THRB: variants seen among roughly 807,000 people sequenced by gnomAD.
THRB encodes the protein thyroid hormone receptor beta.
THRB carries 12 observed loss-of-function variants against 47.8 expected under a neutral mutation model. The ratio of observed to expected loss-of-function variants is 0.25; its 90% CI spans 0.16 to 0.41. The LOEUF is 0.41. Among genes scored for constraint, THRB ranks in the 10% least tolerant of loss-of-function variants. THRB has a pLI of 1.00. For synonymous variants in THRB, 218 were observed against 212.2 expected, an observed-to-expected ratio of 1.03 and a Z score of -0.24; for missense variants, 348 against 589.2, an observed-to-expected ratio of 0.59 and a Z score of 4.24.
intron 1 of THRB, among the ~76,000 whole-genome samples, chr3:24,347,643 T>C (rs1048231729): frequency 1.3e-5 from 2 of 150,106 alleles, no homozygotes; most frequent in Non-Finnish European, 1.5e-5. Flanking sequence ...TTTTAAAGAA[T>C]AAAAAAAAGA....
intron 2 of THRB, among the ~76,000 whole-genome samples, chr3:24,324,274 G>T (rs1240252324): frequency 6.8e-6 from 1 of 146,132 alleles, no homozygotes; most frequent in African/African-American, 2.6e-5. Context: ...TGTCCAGTTT[G>T]CTCATTCATT....
Position 24,127,736 on chromosome 3 carries a change from T to A in THRB, c.907A>T (p.Ile303Phe). 1 of 1,614,230 alleles carries A rather than the reference T, an allele frequency of 6.2e-7. No individual in the cohort carries two copies. Among genetic ancestry groups the A allele is most frequent in the East Asian group, 2.2e-5 (1 of 44,882 alleles). Residue 303 changes from isoleucine to phenylalanine, a missense_variant, in exon 10 of 11, where the codon ATC (isoleucine) becomes TTC (phenylalanine). By Grantham distance (21) the Ile-to-Phe change is conservative. Coordinates refer to ENST00000646209, the MANE Select transcript of THRB (RefSeq NM_001354712.2). ...TCCATGCAGCAGCCTTTGAGGAGGATGATCTGGTCTTCACATGGCAGCTGA... is the reference window on the plus strand; with the variant it reads ...TCCATGCAGCAGCCTTTGAGGAGGAAGATCTGGTCTTCACATGGCAGCTGA... ...FCELPCEDQI[I>F]LLKGCCMEIM...
chr3:24,347,433 A>G (rs886540753), intron 1 of THRB, among the ~76,000 whole-genome samples: 2 of 149,556 alleles, frequency 1.3e-5, no homozygotes, highest in African/African-American at 5.1e-5. Flanking sequence ...GAACAGAGTT[A>G]CTGTAACAGA....
chr3:24,401,536 C>T (rs1353123574), intron 1 of THRB, among the ~76,000 whole-genome samples: 2 of 151,890 alleles, frequency 1.3e-5, no homozygotes, highest in Non-Finnish European at 2.9e-5. Flanking sequence ...TAAGGATTAC[C>T]ACTACTACTA....
chr3:24,173,942 T>A (rs779435961), intron 5 of THRB, among the ~76,000 whole-genome samples: 1 of 152,196 alleles, frequency 6.6e-6, no homozygotes, highest in Admixed American at 6.5e-5. Flanking sequence ...GTGTGTCAGA[T>A]TCTGTGTTGG....
Position 24,266,667 on chromosome 3 carries a change from C to T in THRB, c.-43+30559G>A, listed in dbSNP as rs562997182. 3.9e-5 allele frequency among the ~76,000 whole-genome samples: 6 copies of T among 152,160 alleles called. No individual in the cohort carries two copies. The South Asian group carries it at 8.3e-4, about 21-fold the overall frequency. The stretch of plus-strand genomic sequence containing the variant: ...AAGAGGGAGCCAGCCAAGCCCAGGT[C>T]CCCAGCAAAGGCAACACACTGATGT... On this transcript the variant is annotated intron_variant, in intron 3 of 10. Coordinates refer to ENST00000646209, the MANE Select transcript of THRB (RefSeq NM_001354712.2).
At chr3:24,240,160 C>A (rs1333078598) in intron 3 of THRB, among the ~76,000 whole-genome samples, 4 of 152,142 alleles carry the variant, frequency 2.6e-5, no homozygotes, top group Non-Finnish European at 5.9e-5. Flanking sequence ...ACCCCTCACT[C>A]TTTGTGAGAC....
intron 5 of THRB, among the ~76,000 whole-genome samples, chr3:24,159,236 T>A (rs192115654): frequency 6.6e-6 from 1 of 152,332 alleles, no homozygotes; most frequent in Admixed American, 6.5e-5. Context: ...GGGAAGGAGC[T>A]GTTGCATTTG....
chr3:24,213,962 A>C (rs1345734587), intron 4 of THRB, among the ~76,000 whole-genome samples: 1 of 152,198 alleles, frequency 6.6e-6, no homozygotes, highest in Non-Finnish European at 1.5e-5. Flanking sequence ...TGATGATGGC[A>C]CCTGTCATTT....
chr3:24,448,550 C>T (rs982817557), intron 1 of THRB, among the ~76,000 whole-genome samples: 4 of 152,152 alleles, frequency 2.6e-5, no homozygotes, highest in African/African-American at 9.7e-5. Context: ...AGAGAAGCAG[C>T]CTTTAGCTAG....
intron 3 of THRB, among the ~76,000 whole-genome samples, chr3:24,253,138 T>C (rs914032673): frequency 6.6e-6 from 1 of 152,134 alleles, no homozygotes; most frequent in Admixed American, 6.6e-5. Flanking sequence ...TTTTACAAAA[T>C]TGCTGTGGAG....
At chr3:24,160,638 G>A (rs1362593469) in intron 5 of THRB, among the ~76,000 whole-genome samples, 1 of 152,152 alleles carries the variant, frequency 6.6e-6, no homozygotes, top group East Asian at 1.9e-4. Context: ...GAAACAGGAA[G>A]AATACAGATA....
chr3:24,480,198 C>T (rs1417160685), intron 1 of THRB, among the ~76,000 whole-genome samples: 2 of 152,218 alleles, frequency 1.3e-5, no homozygotes, highest in African/African-American at 4.8e-5. Context: ...GAGTTTGCTT[C>T]TGGGGAGCCC....
chr3:24,247,731 C>T (rs147619729), intron 3 of THRB, among the ~76,000 whole-genome samples: 131 of 152,098 alleles, frequency 8.6e-4, no homozygotes, highest in African/African-American at 2.9e-3. Flanking sequence ...GAAGTCAGGA[C>T]CCAAAAATAT....
At chr3:24,410,732 T>C (rs144322911) in intron 1 of THRB, among the ~76,000 whole-genome samples, 14 of 151,972 alleles carry the variant, frequency 9.2e-5, no homozygotes, top group African/African-American at 3.1e-4. Context: ...TTCAAATGCA[T>C]GGTTAATACT....
intron 3 of THRB, among the ~76,000 whole-genome samples, chr3:24,248,641 C>G (rs965957535): frequency 6.6e-6 from 1 of 152,146 alleles, no homozygotes; most frequent in Non-Finnish European, 1.5e-5. Flanking sequence ...AAGGAACTTC[C>G]TTTCTCCTTT....
chr3:24,160,575 A>T (rs2038658116), intron 5 of THRB, among the ~76,000 whole-genome samples: 1 of 152,174 alleles, frequency 6.6e-6, no homozygotes, highest in Admixed American at 6.5e-5. Context: ...GGAGCTGATG[A>T]GAGGGAAGTA....
intron 5 of THRB, among the ~76,000 whole-genome samples, chr3:24,189,277 T>A (rs1201944028): frequency 6.6e-6 from 1 of 151,986 alleles, no homozygotes; most frequent in Non-Finnish European, 1.5e-5. Flanking sequence ...AGACCCCCCC[T>A]TTTCTTTTAA....
At chr3:24,275,133 T>G (rs1427865654) in intron 3 of THRB, among the ~76,000 whole-genome samples, 1 of 152,168 alleles carries the variant, frequency 6.6e-6, no homozygotes, top group Non-Finnish European at 1.5e-5. Context: ...AATATTTGTT[T>G]GGAAAAAATA....
Sources: gnomAD v4.1 joint callset for allele counts (sites outside exome capture counted in the v4.1 genomes callset) on GRCh38, gnomAD v4.1.1 for gene constraint, MANE v1.5 for transcripts, NCBI Gene and HGNC (gene_info 2026-07-23, HGNC 2026-07-21) for gene names.